The following KDM4C variants were observed in gnomAD, a reference collection of about 807,000 sequenced individuals.
KDM4C encodes lysine-specific demethylase 4C.
KDM4C carries 81 observed loss-of-function variants against 129.3 expected under a neutral mutation model. That is an observed-to-expected ratio of 0.63 (90% CI 0.52 to 0.75). The LOEUF (loss-of-function observed/expected upper bound fraction) is 0.75, where lower values mean the gene tolerates loss of function less well. Ranked by LOEUF, KDM4C falls within the 30% of genes least tolerant of loss-of-function variation. The pLI, the probability that KDM4C is intolerant of heterozygous loss-of-function variation, is 0.00. For synonymous variants in KDM4C, 573 were observed against 456.1 expected, an observed-to-expected ratio of 1.26 and a Z score of -3.26; for missense variants, 1,457 against 1,304.0, an observed-to-expected ratio of 1.12 and a Z score of -1.81.
chr9:6,853,854 A>G (rs934330345), intron 5 of KDM4C, among the ~76,000 whole-genome samples: 2 of 152,172 alleles, frequency 1.3e-5, no homozygotes, highest in Admixed American at 6.5e-5. Context: ...AGGGCAAATC[A>G]CTACACTCCT....
At chr9:6,873,691 A>G (rs887781386) in intron 5 of KDM4C, among the ~76,000 whole-genome samples, 8 of 152,332 alleles carry the variant, frequency 5.3e-5, no homozygotes, top group East Asian at 1.9e-4. Context: ...ACATGCCAAC[A>G]TTCTCCATAT....
At chr9:6,917,360 T>G (rs1820510206) in intron 8 of KDM4C, among the ~76,000 whole-genome samples, 1 of 152,170 alleles carries the variant, frequency 6.6e-6, no homozygotes, top group East Asian at 1.9e-4. Flanking sequence ...AATCCATTGA[T>G]CCTACTTTTC....
chr9:6,898,558 C>A (rs528759748), intron 8 of KDM4C, among the ~76,000 whole-genome samples: 7 of 152,260 alleles, frequency 4.6e-5, no homozygotes, highest in Admixed American at 3.9e-4. Flanking sequence ...CTTATAAACT[C>A]CAGGAGTACT....
intron 9 of KDM4C, 31 bp from the exon 10 acceptor site, chr9:6,984,135 C>G: frequency 6.9e-7 from 1 of 1,446,884 alleles, no homozygotes; most frequent in Non-Finnish European, 9.7e-7. Flanking sequence ...TGCAGACATC[C>G]CGCTCTGACC....
chr9:7,050,881 T>C (rs1283812828), intron 17 of KDM4C, among the ~76,000 whole-genome samples: 1 of 152,210 alleles, frequency 6.6e-6, no homozygotes, highest in Non-Finnish European at 1.5e-5. Flanking sequence ...ATATCATAAT[T>C]GCAAGTAAAG....
chr9:6,813,128 T>A (rs1471024991), intron 3 of KDM4C, among the ~76,000 whole-genome samples: 2 of 152,064 alleles, frequency 1.3e-5, no homozygotes, highest in Non-Finnish European at 2.9e-5. Flanking sequence ...TGAGCCGAGA[T>A]CGTGCCGCTG....
At chr9:7,082,824 TTTG>T (rs1195392919) in intron 17 of KDM4C, among the ~76,000 whole-genome samples, 8 of 152,180 alleles carry the variant, frequency 5.3e-5, no homozygotes, top group African/African-American at 1.9e-4. Flanking sequence ...ACTTATGCCT[TTTG>T]TTCAGTAGAA....
chr9:7,062,217 C>T (rs1831793447), intron 17 of KDM4C, among the ~76,000 whole-genome samples: 1 of 152,162 alleles, frequency 6.6e-6, no homozygotes, highest in Non-Finnish European at 1.5e-5. Context: ...ATCTGCCTGC[C>T]TTGGCCTCCC....
chr9:6,887,522 C>T lies in KDM4C; in HGVS notation c.680-438C>T, dbSNP rs115465842. On this transcript the variant is annotated intron_variant, in intron 6 of 21. Transcript: ENST00000381309. ...GGGAACTACTCTGTCTGCTGTATGC[C>T]GAGGATTGGGATGAGTGCTTCAGGA... Among the ~76,000 whole-genome samples the T allele has an allele frequency of 8.1e-3, 1,226 of 152,162 alleles. 15 individuals carry two copies. The highest frequency in any genetic ancestry group is 0.028 in the African/African-American group (1,166 of 41,498).
intron 19 of KDM4C, among the ~76,000 whole-genome samples, chr9:7,155,067 T>C (rs1401410161): frequency 6.6e-6 from 1 of 152,232 alleles, no homozygotes; most frequent in East Asian, 1.9e-4. Flanking sequence ...TTACATCCTT[T>C]TCTATAATTG....
chr9:6,757,521 C>G (rs1393257791), upstream of KDM4C: 1 of 626,182 alleles, frequency 1.6e-6, no homozygotes, highest in Non-Finnish European at 2.0e-6. Context: ...GAAGGGAGAA[C>G]GGGAACACAG....
intron 15 of KDM4C, among the ~76,000 whole-genome samples, chr9:7,038,877 G>A (rs1283345891): frequency 1.3e-5 from 2 of 151,628 alleles, no homozygotes; most frequent in African/African-American, 4.8e-5. Flanking sequence ...TTCTTTTCAT[G>A]TGCTTACTGG....
chr9:7,021,655 A>G (rs1158862248), intron 15 of KDM4C, among the ~76,000 whole-genome samples: 1 of 151,984 alleles, frequency 6.6e-6, no homozygotes, highest in African/African-American at 2.4e-5. Flanking sequence ...AAGCTTTTAA[A>G]CTTGATGTGA....
intron 2 of KDM4C, among the ~76,000 whole-genome samples, chr9:6,798,615 A>C (rs915336812): frequency 3.5e-4 from 53 of 152,208 alleles, no homozygotes; most frequent in Non-Finnish European, 6.9e-4. Context: ...ATAGAACAAA[A>C]TGAAAAGTCT....
chr9:6,859,348 G>A (rs922809330), intron 5 of KDM4C, among the ~76,000 whole-genome samples: 30 of 151,978 alleles, frequency 2.0e-4, no homozygotes, highest in East Asian at 5.8e-4. Flanking sequence ...AGTGGCCCAC[G>A]CCTGTAGTCC....
At chr9:7,151,175 TGGCCTTCA>T (rs1402879352) in intron 19 of KDM4C, among the ~76,000 whole-genome samples, 1 of 152,166 alleles carries the variant, frequency 6.6e-6, no homozygotes, top group Admixed American at 6.6e-5. Context: ...AAAAACTAGA[TGGCCTTCA>T]GGAATTCACC....
chr9:6,893,265 A>T (rs1846357072), intron 8 of KDM4C, 33 bp downstream of exon 8: 3 of 1,577,860 alleles, frequency 1.9e-6, no homozygotes, highest in Non-Finnish European at 1.7e-6. Flanking sequence ...AGCAAAAATT[A>T]AATGTGTATT....
chr9:7,119,531 G>T (rs993413829), intron 18 of KDM4C, among the ~76,000 whole-genome samples: 8 of 151,302 alleles, frequency 5.3e-5, no homozygotes, highest in African/African-American at 1.7e-4. Flanking sequence ...TTGTAATCAG[G>T]ATATTAATAG....
At chr9:6,964,895 A>C (rs1589356640) in intron 8 of KDM4C, among the ~76,000 whole-genome samples, 1 of 151,704 alleles carries the variant, frequency 6.6e-6, no homozygotes, top group South Asian at 2.1e-4. Context: ...CGGAGGTTGC[A>C]GTGAGCCGAG....
Sources: gnomAD v4.1 joint callset for allele counts (sites outside exome capture counted in the v4.1 genomes callset) on GRCh38, gnomAD v4.1.1 for gene constraint, MANE v1.5 for transcripts, NCBI Gene and HGNC (gene_info 2026-07-23, HGNC 2026-07-21) for gene names.